FAM110B: variants seen among roughly 807,000 people sequenced by gnomAD.
FAM110B encodes the protein family with sequence similarity 110 member B.
FAM110B carries 6 observed loss-of-function variants against 20.4 expected under a neutral mutation model. The ratio of observed to expected loss-of-function variants is 0.29; its 90% CI spans 0.16 to 0.58. The LOEUF (loss-of-function observed/expected upper bound fraction) is 0.58, where lower values mean the gene tolerates loss of function less well. Ranked by LOEUF, FAM110B falls within the 20% of genes least tolerant of loss-of-function variation. FAM110B has a pLI of 0.90. For missense variants in FAM110B, 434 were observed against 498.2 expected, an observed-to-expected ratio of 0.87 and a Z score of 1.23; for synonymous variants, 226 against 214.1, an observed-to-expected ratio of 1.06 and a Z score of -0.49.
At chr8:58,089,748 T>C (rs1358067928) in intron 3 of FAM110B, among the ~76,000 whole-genome samples, 1 of 152,226 alleles carries the variant, frequency 6.6e-6, no homozygotes, top group African/African-American at 2.4e-5. Flanking sequence ...CTCACATAGC[T>C]CTTATTTATT....
rs1479415130 is a variant in FAM110B at position 58,146,309 on chromosome 8, C to T, written c.79C>T (p.Leu27=). The change falls in exon 4 of 4, where the codon CTG becomes TTG. Residue 27 remains leucine (L), a synonymous_variant. Transcript: ENST00000519262. ...GGGCACCTTCACCTCTGCTGTGCCC[C>T]TGCGCATCCTGAACAAGGGGCCAGA... ...PAGTFTSAVP[L]RILNKGPDYF... 1.9e-6 allele frequency: 3 copies of T among 1,613,976 alleles called. No individual in the cohort carries two copies. Among genetic ancestry groups the T allele is most frequent in the Non-Finnish European group, 2.5e-6 (3 of 1,180,004 alleles).
intron 3 of FAM110B, among the ~76,000 whole-genome samples, chr8:58,083,730 T>G (rs1806263110): frequency 6.6e-6 from 1 of 152,230 alleles, no homozygotes; most frequent in African/African-American, 2.4e-5. Flanking sequence ...TCTCATCATT[T>G]GCTGTTCCAT....
At chr8:58,060,705 G>A (rs905065399) in intron 2 of FAM110B, among the ~76,000 whole-genome samples, 20 of 152,230 alleles carry the variant, frequency 1.3e-4, no homozygotes, top group Admixed American at 1.2e-3. Context: ...CTGAAAATGA[G>A]GAAATTTTAA....
chr8:58,115,654 A>G (rs1014385075), intron 3 of FAM110B, among the ~76,000 whole-genome samples: 1 of 152,138 alleles, frequency 6.6e-6, no homozygotes, highest in Non-Finnish European at 1.5e-5. Context: ...TTGGCCTCCC[A>G]TAGTGCTGGG....
chr8:58,123,802 C>T (rs1024301400), intron 3 of FAM110B, among the ~76,000 whole-genome samples: 3 of 152,130 alleles, frequency 2.0e-5, no homozygotes, highest in Non-Finnish European at 2.9e-5. Context: ...GTTTTCGTAG[C>T]TGTCGTGATT....
chr8:58,047,591 CCTCTCTCTCTCTCT>C (rs56031012), intron 2 of FAM110B, among the ~76,000 whole-genome samples: 6,294 of 74,786 alleles, frequency 0.084, 583 homozygotes, highest in African/African-American at 0.24. Flanking sequence ...CTTCCTTTTT[CCTCTCTCTCTCTCT>C]CTCTCTCTCT....
chr8:58,087,718 C>T (rs1327807687), intron 3 of FAM110B, among the ~76,000 whole-genome samples: 1 of 152,162 alleles, frequency 6.6e-6, no homozygotes, highest in Non-Finnish European at 1.5e-5. Context: ...TTGGGTCTCT[C>T]CTTTAGCCAA....
At chr8:58,008,959 C>T (rs535444149) in intron 1 of FAM110B, among the ~76,000 whole-genome samples, 1 of 152,318 alleles carries the variant, frequency 6.6e-6, no homozygotes, top group East Asian at 1.9e-4. Flanking sequence ...TTCTGGGTAC[C>T]CCTCCACCTT....
intron 2 of FAM110B, among the ~76,000 whole-genome samples, chr8:58,059,535 A>G (rs1805615122): frequency 6.6e-6 from 1 of 151,652 alleles, no homozygotes; most frequent in Non-Finnish European, 1.5e-5. Flanking sequence ...TCATATACTT[A>G]CAGATCATTT....
At chr8:58,030,020 T>C (rs1485171403) in intron 1 of FAM110B, among the ~76,000 whole-genome samples, 2 of 152,216 alleles carry the variant, frequency 1.3e-5, no homozygotes, top group South Asian at 2.1e-4. Flanking sequence ...ATTTTAGATA[T>C]AATTTTTGGC....
intron 1 of FAM110B, among the ~76,000 whole-genome samples, chr8:57,998,063 T>G (rs1036749832): frequency 1.3e-5 from 2 of 152,250 alleles, no homozygotes; most frequent in Non-Finnish European, 2.9e-5. Context: ...TTTTCAGGTT[T>G]GATGTCAACA....
chr8:58,044,232 G>A (rs1805277982), intron 2 of FAM110B, among the ~76,000 whole-genome samples: 1 of 152,144 alleles, frequency 6.6e-6, no homozygotes, highest in Non-Finnish European at 1.5e-5. Context: ...AATCCTAGGG[G>A]TGCCACTTAC....
At chr8:58,144,201 G>A (rs924740832) in intron 3 of FAM110B, among the ~76,000 whole-genome samples, 9 of 152,222 alleles carry the variant, frequency 5.9e-5, no homozygotes, top group Non-Finnish European at 1.0e-4. Context: ...TTGTCCTGGG[G>A]TCAGCCCTCT....
intron 3 of FAM110B, among the ~76,000 whole-genome samples, chr8:58,102,274 C>A (rs546511214): frequency 1.4e-4 from 21 of 152,230 alleles, no homozygotes; most frequent in African/African-American, 4.8e-4. Context: ...TAACACAGAG[C>A]GGCAAAGGGT....
chr8:58,102,706 T>A (rs57241413), intron 3 of FAM110B, among the ~76,000 whole-genome samples: 31 of 152,258 alleles, frequency 2.0e-4, no homozygotes, highest in African/African-American at 7.5e-4. Flanking sequence ...CCCTTCCTGG[T>A]GCCCCAGTAC....
chr8:58,078,771 G>A (rs535617594), intron 3 of FAM110B, among the ~76,000 whole-genome samples: 2 of 151,652 alleles, frequency 1.3e-5, no homozygotes, highest in Non-Finnish European at 2.9e-5. Flanking sequence ...AGGATGGTCT[G>A]GATCTCCTGA....
chr8:58,045,095 T>C (rs1805293335), intron 2 of FAM110B, among the ~76,000 whole-genome samples: 1 of 152,150 alleles, frequency 6.6e-6, no homozygotes, highest in African/African-American at 2.4e-5. Context: ...CTTAAGTTGG[T>C]GTGGTGTAGG....
Position 58,146,200 on chromosome 8 carries a change from C to CA in FAM110B, c.-29dup, listed in dbSNP as rs1202015159. 10 of 1,565,316 alleles carry CA rather than the reference C, an allele frequency of 6.4e-6. No homozygotes were observed. Among genetic ancestry groups the CA allele is most frequent in the Non-Finnish European group, 8.7e-6 (10 of 1,153,724 alleles). ...TTGCGGAGGCGCCCAGAAGAGCATC[C>CA]AACACGGCTGCCGGGGAAAGACCGC... On this transcript the variant is annotated 5_prime_UTR_variant, in exon 4 of 4. Coordinates refer to ENST00000519262, the MANE Select transcript of FAM110B (RefSeq NM_001377989.1).
intron 3 of FAM110B, among the ~76,000 whole-genome samples, chr8:58,109,136 C>A (rs986168694): frequency 3.9e-5 from 6 of 152,182 alleles, no homozygotes; most frequent in African/African-American, 1.4e-4. Flanking sequence ...CCACACTAGA[C>A]TAGGAACTCT....
Sources: gnomAD v4.1 joint callset for allele counts (sites outside exome capture counted in the v4.1 genomes callset) on GRCh38, gnomAD v4.1.1 for gene constraint, MANE v1.5 for transcripts, NCBI Gene and HGNC (gene_info 2026-07-23, HGNC 2026-07-21) for gene names.